The following IGF1R variants were observed in gnomAD, a reference collection of about 807,000 sequenced individuals.
IGF1R encodes the protein insulin-like growth factor 1 receptor.
IGF1R carries 44 observed loss-of-function variants against 144.6 expected under a neutral mutation model. The observed-to-expected ratio is 0.30, with a 90% CI of 0.24 to 0.39. The LOEUF (loss-of-function observed/expected upper bound fraction) is 0.39. Among genes scored for constraint, IGF1R ranks in the 10% least tolerant of loss-of-function variants. The pLI is 1.00. For synonymous variants in IGF1R, 795 were observed against 722.8 expected, an observed-to-expected ratio of 1.10 and a Z score of -1.60; for missense variants, 1,355 against 1,833.7, an observed-to-expected ratio of 0.74 and a Z score of 4.77.
chr15:98,813,187 C>A (rs1435075189), intron 2 of IGF1R, among the ~76,000 whole-genome samples: 1 of 152,064 alleles, frequency 6.6e-6, no homozygotes, highest in Admixed American at 6.6e-5. Flanking sequence ...CTGAAGAGAC[C>A]AGCCCCCCTA....
intron 18 of IGF1R, among the ~76,000 whole-genome samples, chr15:98,939,916 C>G (rs1048062504): frequency 3.0e-4 from 46 of 152,280 alleles, no homozygotes; most frequent in African/African-American, 1.1e-3. Context: ...TGGCCAGCCT[C>G]CAAGCTCTCG....
At chr15:98,944,795 A>G (rs2016490168) in intron 19 of IGF1R, among the ~76,000 whole-genome samples, 1 of 152,258 alleles carries the variant, frequency 6.6e-6, no homozygotes, top group African/African-American at 2.4e-5. Flanking sequence ...CAGGGACTCC[A>G]TGTTCACTGC....
intron 1 of IGF1R, among the ~76,000 whole-genome samples, chr15:98,650,590 GAC>G (rs1211670306): frequency 3.3e-5 from 5 of 152,338 alleles, no homozygotes; most frequent in African/African-American, 7.2e-5. Flanking sequence ...CGTGCATTCC[GAC>G]ACACGTGCTC....
intron 1 of IGF1R, among the ~76,000 whole-genome samples, chr15:98,700,854 G>A (rs1022331763): frequency 7.2e-5 from 11 of 152,022 alleles, no homozygotes; most frequent in Admixed American, 2.0e-4. Context: ...TGACCTCCTC[G>A]GAGATAGGGA....
chr15:98,860,497 T>A (rs1007158005), intron 2 of IGF1R, among the ~76,000 whole-genome samples: 6 of 152,176 alleles, frequency 3.9e-5, no homozygotes, highest in Non-Finnish European at 2.9e-5. Context: ...CTGCACCAGT[T>A]TTTGTGCACT....
At chr15:98,715,085 T>TG (rs753677433) in intron 2 of IGF1R, among the ~76,000 whole-genome samples, 4 of 152,168 alleles carry the variant, frequency 2.6e-5, no homozygotes, top group Non-Finnish European at 5.9e-5. Flanking sequence ...GCTCCCAGTG[T>TG]GGGGGTGATC....
chr15:98,823,376 A>C (rs4246340), intron 2 of IGF1R, among the ~76,000 whole-genome samples: 57,740 of 152,122 alleles, frequency 0.38, 13,579 homozygotes, highest in Admixed American at 0.49. Flanking sequence ...AACAGGAGTA[A>C]TGGTTTAAGC....
chr15:98,690,705 T>A (rs556143036), intron 1 of IGF1R, among the ~76,000 whole-genome samples: 8 of 152,226 alleles, frequency 5.3e-5, no homozygotes, highest in Non-Finnish European at 1.0e-4. Context: ...CACCCTCTCC[T>A]CTTCCTGCTA....
intron 1 of IGF1R, among the ~76,000 whole-genome samples, chr15:98,665,236 C>A (rs933049909): frequency 3.3e-5 from 5 of 152,166 alleles, no homozygotes; most frequent in Non-Finnish European, 7.4e-5. Context: ...AAGGCGTGAG[C>A]CACCGCGCCC....
chr15:98,743,767 A>G (rs568504204), intron 2 of IGF1R, among the ~76,000 whole-genome samples: 1 of 152,310 alleles, frequency 6.6e-6, no homozygotes, highest in East Asian at 1.9e-4. Flanking sequence ...TAGATTAGGG[A>G]GGAAGCCAAT....
At chr15:98,953,054 G>A (rs919006820) in intron 20 of IGF1R, 24 of 152,202 alleles carry the variant, frequency 1.6e-4, no homozygotes, top group African/African-American at 5.3e-4. Context: ...CGTTTATCCC[G>A]GAGAGGAGAG....
intron 1 of IGF1R, among the ~76,000 whole-genome samples, chr15:98,673,107 G>C (rs958698466): frequency 6.6e-6 from 1 of 152,116 alleles, no homozygotes; most frequent in Non-Finnish European, 1.5e-5. Context: ...TGATCCTCTT[G>C]CCTCAACCTC....
chr15:98,762,528 G>A (rs1224157952), intron 2 of IGF1R, among the ~76,000 whole-genome samples: 3 of 152,226 alleles, frequency 2.0e-5, no homozygotes, highest in Non-Finnish European at 4.4e-5. Flanking sequence ...AGGAGTTTCA[G>A]ACCAGCCTGG....
intron 1 of IGF1R, among the ~76,000 whole-genome samples, chr15:98,697,896 C>G (rs928766483): frequency 2.0e-5 from 3 of 151,862 alleles, no homozygotes; most frequent in Admixed American, 6.6e-5. Flanking sequence ...CGCCACCATG[C>G]CTGGCTAACT....
chr15:98,916,959 G>A (rs1039035740), intron 10 of IGF1R, 83 bp downstream of exon 10: 16 of 1,199,514 alleles, frequency 1.3e-5, no homozygotes, highest in African/African-American at 1.5e-5. Flanking sequence ...CAGGTAGTGT[G>A]TAAGTCAGCA....
chr15:98,850,768 T>C (rs1456326393), intron 2 of IGF1R, among the ~76,000 whole-genome samples: 1 of 151,746 alleles, frequency 6.6e-6, no homozygotes, highest in Non-Finnish European at 1.5e-5. Context: ...CATGTTAACA[T>C]GTTAGCAAGA....
At chr15:98,765,219 T>G (rs1258889091) in intron 2 of IGF1R, among the ~76,000 whole-genome samples, 1 of 151,712 alleles carries the variant, frequency 6.6e-6, no homozygotes, top group Non-Finnish European at 1.5e-5. Context: ...TTGCCTAACT[T>G]CAGGGCTTCA....
rs2053895953 is a variant in IGF1R, at chr15:98,707,582, A to G, written c.115A>G (p.Ile39Val). Residue 39 changes from isoleucine to valine, a missense_variant, in exon 2 of 21, where the codon ATC becomes GTC. Physicochemically the swap from Ile to Val is conservative, Grantham distance 29 (BLOSUM62 3). Coordinates refer to ENST00000650285, the MANE Select transcript of IGF1R (RefSeq NM_000875.5). This position sits in a 1 kb window ranked among gnomAD's most constrained non-coding sequence, Gnocchi z 6.7. ...SGEICGPGIDIRNDYQQLKRL... is the reference protein window; with the variant it reads ...SGEICGPGIDVRNDYQQLKRL... ...TTCAGTCTGCGGGCCAGGCATCGAC[A>G]TCCGCAACGACTATCAGCAGCTGAA... is the stretch of plus-strand genomic sequence containing the variant. The G allele has an allele frequency of 1.9e-6, 3 of 1,614,240 alleles. No individual in the cohort carries two copies. The highest frequency in any genetic ancestry group is 2.2e-5 in the East Asian group (1 of 44,886).
intron 2 of IGF1R, among the ~76,000 whole-genome samples, chr15:98,830,124 C>T (rs1029841396): frequency 1.3e-5 from 2 of 152,210 alleles, no homozygotes; most frequent in Non-Finnish European, 1.5e-5. Context: ...GCAGACCCTT[C>T]GAGATCAGCT....
Sources: gnomAD v4.1 joint callset for allele counts (sites outside exome capture counted in the v4.1 genomes callset) on GRCh38, gnomAD v4.1.1 for gene constraint, Gnocchi (gnomAD v3.1) non-coding constraint, MANE v1.5 for transcripts, NCBI Gene and HGNC (gene_info 2026-07-23, HGNC 2026-07-21) for gene names.